The following NCAPD2 variants were observed in gnomAD, a reference collection of about 807,000 sequenced individuals.
NCAPD2 encodes the protein non-SMC condensin I complex subunit D2.
A neutral mutation model predicts 164.5 loss-of-function variants in NCAPD2; 100 were observed. That is an observed-to-expected ratio of 0.61 (90% CI 0.52 to 0.72). The LOEUF is 0.72. NCAPD2 is among the 30% of genes least tolerant of loss of function. The probability of loss-of-function intolerance (pLI) is 0.00; values close to 1 mark genes in which losing one functional copy is unlikely to be tolerated. For missense variants in NCAPD2, 1,560 were observed against 1,749.2 expected, an observed-to-expected ratio of 0.89 and a Z score of 1.93; for synonymous variants, 585 against 642.6, an observed-to-expected ratio of 0.91 and a Z score of 1.36.
In NCAPD2 at chr12:6,514,561, G is replaced by A. The variant is rs201656263; in HGVS notation, c.813G>A (p.Met271Ile). The stretch of plus-strand genomic sequence containing the variant: ...GTCTATGGGCAACTGACTATGGAAT[G>A]AAGAGCATAGTGGGAGAGATTGTAA... ...AVSLWATDYG[M>I]KSIVGEIVRE... Residue 271 changes from methionine (M) to isoleucine (I), a missense_variant, in exon 8 of 32, where the codon ATG becomes ATA. Physicochemically the swap from Met to Ile is conservative, Grantham distance 10 (BLOSUM62 1). Transcript: ENST00000315579. 19 of 1,614,224 alleles carry A rather than the reference G, an allele frequency of 1.2e-5. No individual in the cohort carries two copies. The East Asian group carries it at 4.0e-4, about 34-fold the overall frequency.
In NCAPD2 at chr12:6,528,936, G is replaced by A; in HGVS notation, c.3478-9G>A. On this transcript the variant is annotated splice_polypyrimidine_tract_variant and intron_variant, in intron 26 of 31. Coordinates refer to ENST00000315579, the MANE Select transcript of NCAPD2 (RefSeq NM_014865.4). This position sits in a 1 kb window ranked among gnomAD's most constrained non-coding sequence, Gnocchi z 5.1. ...TCATCTCCTTAACATGGCTCTCTCT[G>A]TCTTACAGGGCAACGCAATCTATAA... is the stretch of plus-strand genomic sequence containing the variant. The A allele has an allele frequency of 6.2e-7, 1 of 1,614,062 alleles. No individual in the cohort carries two copies.
chr12:6,531,652 A>T lies in NCAPD2; in HGVS notation c.*240A>T, dbSNP rs1365232307. The T allele has an allele frequency of 1.7e-5, 11 of 655,110 alleles. No individual in the cohort carries two copies. The highest frequency in any genetic ancestry group is 2.4e-5 in the Non-Finnish European group (10 of 414,102). 40.6% of individuals were successfully genotyped at this position (655,110 alleles called of 1,614,324 possible). A position where few individuals can be genotyped will look rare whatever the true frequency, so the allele number is the denominator to read the frequency against. ...GAAACCCCATCTCTACTAAAAATAAAAAATTAGCCGGGCGTATTGGCGTGC... is the reference window on the plus strand; with the variant it reads ...GAAACCCCATCTCTACTAAAAATAATAAATTAGCCGGGCGTATTGGCGTGC... On this transcript the variant is annotated 3_prime_UTR_variant, in exon 32 of 32. Coordinates refer to ENST00000315579, the MANE Select transcript of NCAPD2 (RefSeq NM_014865.4). This position sits in a 1 kb window ranked among gnomAD's most constrained non-coding sequence, Gnocchi z 4.1.
Position 6,529,025 on chromosome 12 carries a change from C to T in NCAPD2, c.3558C>T (p.Phe1186=). ...DPELGVEEEP[F]HTIMKQLLSY... The stretch of plus-strand genomic sequence containing the variant: ...AGCTGGGGGTGGAGGAAGAGCCTTT[C>T]CACACCATCATGAAGTATTGCTCCC... The change falls in exon 27 of 32, where the codon TTC becomes TTT. Residue 1186 remains phenylalanine (F), a synonymous_variant. Transcript: ENST00000315579. 1 of 1,612,592 alleles carries T rather than the reference C, an allele frequency of 6.2e-7. No individual in the cohort carries two copies. Among genetic ancestry groups the T allele is most frequent in the Non-Finnish European group, 8.5e-7 (1 of 1,179,896 alleles).
rs767507646 is a variant in NCAPD2, at chr12:6,517,074, A to G, written c.1185+49A>G. ...AACATATGGTACCTCTCCATATACCAGTGTAAAGAGGAATCCAGTGTTGAA... is the reference window on the plus strand; with the variant it reads ...AACATATGGTACCTCTCCATATACCGGTGTAAAGAGGAATCCAGTGTTGAA... On this transcript the variant is annotated intron_variant, in intron 10 of 31. Transcript: ENST00000315579. 1.9e-5 allele frequency: 30 copies of G among 1,569,134 alleles called. No homozygotes were observed. The South Asian group carries it at 3.2e-4, about 17-fold the overall frequency.
chr12:6,521,691 A>G, intron 14 of NCAPD2, 107 bp from the exon 15 acceptor site: 2 of 1,411,740 alleles, frequency 1.4e-6, no homozygotes, highest in South Asian at 2.8e-5. Context: ...ATCTCAAAAG[A>G]AAAGAAGAAG....
At chr12:6,529,621 G>A in intron 28 of NCAPD2, 28 bp downstream of exon 28, 1 of 1,612,914 alleles carries the variant, frequency 6.2e-7, no homozygotes, top group South Asian at 1.1e-5. Flanking sequence ...AGGGTTCTTT[G>A]TGCTGAGCGG....
rs768914706 is a variant in NCAPD2 at position 6,510,061 on chromosome 12, T to C, written c.204-14T>C. On this transcript the variant is annotated splice_polypyrimidine_tract_variant and intron_variant, in intron 3 of 31. Coordinates refer to ENST00000315579, the MANE Select transcript of NCAPD2 (RefSeq NM_014865.4). ...TCCTTCCTGTCTCACCCCCACACTT[T>C]CTTTCCCTCATAGTCACTTTCGAAG... 9 of 1,612,282 alleles carry C rather than the reference T, an allele frequency of 5.6e-6. No homozygotes were observed. Among genetic ancestry groups the C allele is most frequent in the Middle Eastern group, 1.7e-4 (1 of 6,058 alleles).
intron 18 of NCAPD2, 104 bp from the exon 19 acceptor site, chr12:6,525,964 C>G: frequency 6.8e-7 from 1 of 1,464,142 alleles, no homozygotes; most frequent in Non-Finnish European, 9.3e-7. Context: ...TGCTCCACGG[C>G]TCTAGACACC....
At chr12:6,503,971 C>G (rs1264275826) in intron 2 of NCAPD2, among the ~76,000 whole-genome samples, 3 of 151,766 alleles carry the variant, frequency 2.0e-5, no homozygotes, top group Admixed American at 6.6e-5. Context: ...GAGCGAGACT[C>G]CGTCTCAAAA....
At chr12:6,502,021 A>G (rs1250004278) in intron 2 of NCAPD2, among the ~76,000 whole-genome samples, 1 of 152,172 alleles carries the variant, frequency 6.6e-6, no homozygotes, top group Non-Finnish European at 1.5e-5. Flanking sequence ...TACATAATGT[A>G]TTTCTTTTAA....
In NCAPD2 at chr12:6,528,445, C is replaced by T. The variant is rs1946338164; in HGVS notation, c.3299+117C>T. On this transcript the variant is annotated intron_variant, in intron 25 of 31. Transcript: ENST00000315579. The surrounding 1 kb of genome is among the most constrained non-coding windows in gnomAD (Gnocchi z 5.1). The stretch of plus-strand genomic sequence containing the variant: ...GCTTTGGCATCACCGCGAACATCTG[C>T]TTGATACTTGACCTGTACAGGCCCC... 7.1e-7 allele frequency: 1 copy of T among 1,405,336 alleles called. No homozygotes were observed. The highest frequency in any genetic ancestry group is 9.9e-7 in the Non-Finnish European group (1 of 1,011,010). 87.1% of individuals were successfully genotyped at this position (1,405,336 alleles called of 1,614,324 possible).
At position 6,529,974 on chromosome 12, in the gene NCAPD2, C is replaced by T; in HGVS notation, c.3837+16C>T. The T allele has an allele frequency of 1.2e-6, 2 of 1,606,426 alleles. No individual in the cohort carries two copies. Among genetic ancestry groups the T allele is most frequent in the Non-Finnish European group, 1.7e-6 (2 of 1,174,816 alleles). ...TGAGGGCAAGGTGAGCAGCACAGGA[C>T]ACTTCAATGCCTGTTGGGTTCTGGG... On this transcript the variant is annotated intron_variant, in intron 29 of 31. Transcript: ENST00000315579.
At chr12:6,499,105 A>G (rs1946010919) in intron 2 of NCAPD2, among the ~76,000 whole-genome samples, 1 of 152,158 alleles carries the variant, frequency 6.6e-6, no homozygotes. Flanking sequence ...GGGATGGTTC[A>G]CATCCCAGGC....
At chr12:6,504,229 A>G (rs1382873804) in intron 2 of NCAPD2, among the ~76,000 whole-genome samples, 3 of 88,464 alleles carry the variant, frequency 3.4e-5, no homozygotes, top group Non-Finnish European at 7.2e-5. Flanking sequence ...ATATAGATAT[A>G]TATATATATA....
At chr12:6,518,509 T>TTTTTTTTTTTGTTTTG (rs1565544125) in intron 13 of NCAPD2, among the ~76,000 whole-genome samples, 17 of 95,644 alleles carry the variant, frequency 1.8e-4, no homozygotes, top group African/African-American at 7.0e-4. Context: ...AACAAGTTTT[T>TTTTTTTTTTTGTTTTG]TTTTTTTTTT....
At chr12:6,504,052 C>T (rs1244398159) in intron 2 of NCAPD2, among the ~76,000 whole-genome samples, 2 of 151,712 alleles carry the variant, frequency 1.3e-5, no homozygotes, top group African/African-American at 4.8e-5. Flanking sequence ...CACCTTCCAA[C>T]ACTGTCATGT....
intron 6 of NCAPD2, among the ~76,000 whole-genome samples, chr12:6,511,632 A>G (rs1043806189): frequency 6.6e-6 from 1 of 152,052 alleles, no homozygotes; most frequent in Admixed American, 6.5e-5. Flanking sequence ...CCCAGCCAGA[A>G]GTCTATTTTT....
At chr12:6,494,323 T>C (rs1945954882) in intron 1 of NCAPD2, among the ~76,000 whole-genome samples, 169 bp downstream of exon 1, 1 of 39,544 alleles carries the variant, frequency 2.5e-5, no homozygotes. Flanking sequence ...AGCAAATCGC[T>C]TAACAGATCC....
intron 4 of NCAPD2, 123 bp from the exon 5 acceptor site, chr12:6,510,506 A>G: frequency 8.8e-7 from 1 of 1,130,760 alleles, no homozygotes; most frequent in Non-Finnish European, 1.3e-6. Context: ...AGCTTGTGTT[A>G]TGGCCACTGA....
Sources: allele counts gnomAD v4.1 joint callset (sites outside exome capture counted in the v4.1 genomes callset), GRCh38; gene constraint gnomAD v4.1.1; non-coding constraint Gnocchi (gnomAD v3.1); transcripts MANE v1.5; gene names NCBI Gene and HGNC (gene_info 2026-07-23, HGNC 2026-07-21).